RBFOX1: variants seen among roughly 807,000 people sequenced by gnomAD.
RBFOX1 encodes RNA binding protein fox-1 homolog 1.
In RBFOX1, 8 loss-of-function variants were observed where a neutral mutation model predicts 57.7. The ratio of observed to expected loss-of-function variants is 0.14; its 90% confidence interval spans 0.08 to 0.25. The LOEUF (loss-of-function observed/expected upper bound fraction) is 0.25. Among genes scored for constraint, RBFOX1 ranks in the 10% least tolerant of loss-of-function variants. RBFOX1 has a pLI of 1.00. For synonymous variants in RBFOX1, 326 were observed against 222.4 expected (o/e 1.47, Z -4.15); for missense variants, 611 against 548.5 (o/e 1.11, Z -1.14).
chr16:7,139,216 G>C (rs1252948646), intron 4 of RBFOX1, among the ~76,000 whole-genome samples: 1 of 151,660 alleles, frequency 6.6e-6, no homozygotes, highest in Non-Finnish European at 1.5e-5. Flanking sequence ...GTGTTTGTGT[G>C]TGTGTGTGTC....
intron 14 of RBFOX1, among the ~76,000 whole-genome samples, chr16:7,692,663 T>C (rs1244907898): frequency 6.6e-6 from 1 of 152,180 alleles, no homozygotes; most frequent in East Asian, 1.9e-4. Flanking sequence ...GTGTCACAGT[T>C]GGAAACGTCT....
intron 3 of RBFOX1, among the ~76,000 whole-genome samples, chr16:5,717,007 T>A (rs1206265268): frequency 6.6e-6 from 1 of 151,784 alleles, no homozygotes; most frequent in Non-Finnish European, 1.5e-5. Flanking sequence ...GGAGCTGTAT[T>A]AGCAGCAGAA....
At chr16:5,667,346 C>G (rs1009603368) in intron 3 of RBFOX1, among the ~76,000 whole-genome samples, 2 of 152,234 alleles carry the variant, frequency 1.3e-5, no homozygotes, top group Admixed American at 1.3e-4. Context: ...ACAACTTTGG[C>G]TGTGTCCTGT....
At chr16:5,694,626 T>C (rs976931031) in intron 3 of RBFOX1, among the ~76,000 whole-genome samples, 1 of 152,120 alleles carries the variant, frequency 6.6e-6, no homozygotes, top group African/African-American at 2.4e-5. Context: ...TATGTCTGCC[T>C]GATGCAGTCC....
intron 14 of RBFOX1, among the ~76,000 whole-genome samples, chr16:7,695,635 G>A (rs1469056967): frequency 8.1e-6 from 1 of 122,932 alleles, no homozygotes; most frequent in Non-Finnish European, 1.6e-5. Flanking sequence ...CTGGACGACA[G>A]AGCAAGCCTC....
chr16:6,457,265 G>T (rs966549335), intron 2 of RBFOX1, among the ~76,000 whole-genome samples: 2 of 152,258 alleles, frequency 1.3e-5, no homozygotes, highest in Admixed American at 6.5e-5. Context: ...GGAAGCAAAA[G>T]GAAAACTACG....
intron 12 of RBFOX1, 49 bp downstream of exon 12, chr16:7,653,996 C>A: frequency 6.9e-7 from 1 of 1,444,006 alleles, no homozygotes; most frequent in Non-Finnish European, 9.1e-7. Flanking sequence ...AGCCCTCCCT[C>A]CCCAGAGGCA....
At chr16:7,465,652 C>G (rs572599761) in intron 4 of RBFOX1, among the ~76,000 whole-genome samples, 29 of 152,322 alleles carry the variant, frequency 1.9e-4, no homozygotes, top group Admixed American at 1.4e-3. Context: ...AAAGCCCACT[C>G]TTTACTGGAG....
At chr16:6,538,751 C>T (rs142425090) in intron 2 of RBFOX1, among the ~76,000 whole-genome samples, 2,505 of 152,292 alleles carry the variant, frequency 0.016, 43 homozygotes, top group Non-Finnish European at 0.021. Flanking sequence ...CTTTTTCCAG[C>T]TGTTGGTTGT....
At chr16:7,358,622 G>C (rs1427262414) in intron 4 of RBFOX1, among the ~76,000 whole-genome samples, 1 of 152,138 alleles carries the variant, frequency 6.6e-6, no homozygotes, top group Non-Finnish European at 1.5e-5. Flanking sequence ...GTTTCACCAT[G>C]TTGGCCAAGC....
At chr16:5,922,795 A>T (rs1597805458) in intron 4 of RBFOX1, among the ~76,000 whole-genome samples, 1 of 152,356 alleles carries the variant, frequency 6.6e-6, no homozygotes, top group Admixed American at 6.5e-5. Context: ...TTCAGGGGCT[A>T]ACGCTCTCCA....
At chr16:7,302,292 AC>A (rs1238791326) in intron 4 of RBFOX1, among the ~76,000 whole-genome samples, 2 of 152,198 alleles carry the variant, frequency 1.3e-5, no homozygotes, top group Admixed American at 1.3e-4. Flanking sequence ...CAGAACGACA[AC>A]AAAAAATAGA....
chr16:5,899,114 C>T (rs548030180), intron 4 of RBFOX1, among the ~76,000 whole-genome samples: 9 of 140,312 alleles, frequency 6.4e-5, no homozygotes, highest in African/African-American at 2.4e-4. Context: ...CACTGCACTC[C>T]AGCCCAGGAA....
chr16:6,598,585 G>A (rs953832287), intron 2 of RBFOX1, among the ~76,000 whole-genome samples: 2 of 152,138 alleles, frequency 1.3e-5, no homozygotes, highest in African/African-American at 4.8e-5. Context: ...AATATAAAAG[G>A]ACTTGTAGTT....
chr16:6,486,979 C>G (rs1241147245), intron 2 of RBFOX1, among the ~76,000 whole-genome samples: 2 of 152,090 alleles, frequency 1.3e-5, no homozygotes, highest in African/African-American at 4.8e-5. Context: ...AAAGATAAAA[C>G]GCCTTTAAAA....
intron 4 of RBFOX1, among the ~76,000 whole-genome samples, chr16:7,336,452 A>G (rs2096789629): frequency 6.6e-6 from 1 of 152,168 alleles, no homozygotes; most frequent in African/African-American, 2.4e-5. Flanking sequence ...ATTTTCCTGG[A>G]TGGTTGATGG....
intron 2 of RBFOX1, among the ~76,000 whole-genome samples, chr16:6,413,955 A>G (rs1163946552): frequency 6.6e-6 from 1 of 152,188 alleles, no homozygotes; most frequent in African/African-American, 2.4e-5. Flanking sequence ...CCAGCTGGCC[A>G]TATCTTAAAG....
chr16:6,230,729 A>C (rs1454234620), intron 1 of RBFOX1, among the ~76,000 whole-genome samples: 1 of 152,230 alleles, frequency 6.6e-6, no homozygotes, highest in Non-Finnish European at 1.5e-5. Flanking sequence ...GGATAGCTTA[A>C]GGAAAGAGCT....
chr16:6,105,052 A>G (rs543456823), intron 1 of RBFOX1, among the ~76,000 whole-genome samples: 192 of 152,332 alleles, frequency 1.3e-3, no homozygotes, highest in African/African-American at 4.4e-3. Flanking sequence ...CATTTTGTCT[A>G]CCAAGGGAAG....
Sources: allele counts gnomAD v4.1 joint callset (sites outside exome capture counted in the v4.1 genomes callset), GRCh38; gene constraint gnomAD v4.1.1; transcripts MANE v1.5; gene names NCBI Gene and HGNC (gene_info 2026-07-23, HGNC 2026-07-21).